EYS: variants seen among roughly 807,000 people sequenced by gnomAD.
EYS encodes the protein EGF-like photoreceptor maintenance factor.
EYS carries 250 observed loss-of-function variants against 282.1 expected under a neutral mutation model. The observed-to-expected ratio is 0.89, with a 90% confidence interval of 0.80 to 0.98. The LOEUF (loss-of-function observed/expected upper bound fraction) is 0.98. Ranked by LOEUF, EYS falls within the 50% of genes least tolerant of loss-of-function variation. EYS has a pLI of 0.00. For synonymous variants in EYS, 1,355 were observed against 1,282.9 expected, an observed-to-expected ratio of 1.06 and a Z score of -1.20; for missense variants, 4,016 against 3,709.0, an observed-to-expected ratio of 1.08 and a Z score of -2.15.
At chr6:65,425,378 T>C (rs1455156992) in intron 5 of EYS, among the ~76,000 whole-genome samples, 1 of 152,090 alleles carries the variant, frequency 6.6e-6, no homozygotes, top group African/African-American at 2.4e-5. Flanking sequence ...TATACACTTG[T>C]TTTCTTTATG....
intron 33 of EYS, among the ~76,000 whole-genome samples, chr6:64,009,084 G>A (rs189162590): frequency 1.1e-4 from 17 of 152,206 alleles, no homozygotes; most frequent in African/African-American, 4.1e-4. Flanking sequence ...TTTCTCTCCT[G>A]CTCTTTCAGG....
rs115474667 is a variant in EYS, at chr6:65,218,247, T to A, written c.2023+77616A>T. On this transcript the variant is annotated intron_variant, in intron 12 of 42. Transcript: ENST00000503581. Reference sequence around the variant, plus strand: ...GAAAGTGTTTTATTTCTGACTTTTGTATTTAATTCATCTCTTAAACATACC... The same window carrying A: ...GAAAGTGTTTTATTTCTGACTTTTGAATTTAATTCATCTCTTAAACATACC... Among the ~76,000 whole-genome samples the A allele has an allele frequency of 6.4e-3, 976 of 152,276 alleles. 11 individuals carry two copies. Among genetic ancestry groups the A allele is most frequent in the African/African-American group, 0.022 (926 of 41,576 alleles).
intron 15 of EYS, among the ~76,000 whole-genome samples, chr6:64,928,721 T>A (rs1024979994): frequency 2.3e-4 from 35 of 149,094 alleles, no homozygotes; most frequent in East Asian, 7.7e-4. Context: ...CATTTTTTTT[T>A]AATTTTAGTT....
intron 22 of EYS, among the ~76,000 whole-genome samples, chr6:64,747,131 T>A (rs186862501): frequency 6.6e-6 from 1 of 152,314 alleles, no homozygotes; most frequent in East Asian, 1.9e-4. Flanking sequence ...GAGTGTAAAC[T>A]TATAACTGGA....
intron 31 of EYS, among the ~76,000 whole-genome samples, chr6:64,176,778 T>C (rs1431908471): frequency 1.3e-5 from 2 of 152,130 alleles, no homozygotes; most frequent in Admixed American, 1.3e-4. Flanking sequence ...TGTTCAGTTT[T>C]TGAAGTGCTT....
intron 5 of EYS, among the ~76,000 whole-genome samples, chr6:65,417,048 T>C (rs1475524395): frequency 2.6e-5 from 4 of 151,988 alleles, no homozygotes; most frequent in Admixed American, 6.6e-5. Context: ...TATTCATCCA[T>C]GGTAAAAGTA....
chr6:63,749,632 C>T (rs1008761616), intron 41 of EYS, among the ~76,000 whole-genome samples: 1 of 152,156 alleles, frequency 6.6e-6, no homozygotes, highest in Admixed American at 6.5e-5. Context: ...ATCACTTCTC[C>T]AAGCAGGTTT....
chr6:65,673,067 T>G (rs557772319), intron 1 of EYS, among the ~76,000 whole-genome samples: 1 of 152,276 alleles, frequency 6.6e-6, no homozygotes, highest in African/African-American at 2.4e-5. Flanking sequence ...TCTTTTGTGA[T>G]TCTTCAGTTG....
At chr6:65,626,530 C>G (rs546739153) in intron 2 of EYS, among the ~76,000 whole-genome samples, 2 of 152,204 alleles carry the variant, frequency 1.3e-5, no homozygotes, top group African/African-American at 4.8e-5. Context: ...ATAAACTAAA[C>G]CTTAATCCAC....
At chr6:65,449,692 A>G (rs183881371) in intron 5 of EYS, among the ~76,000 whole-genome samples, 1 of 152,220 alleles carries the variant, frequency 6.6e-6, no homozygotes, top group Admixed American at 6.6e-5. Flanking sequence ...GGCAAGAAAA[A>G]TAAGCCTTAC....
chr6:64,285,752 A>C (rs1442458162), intron 30 of EYS, among the ~76,000 whole-genome samples: 19 of 152,206 alleles, frequency 1.2e-4, no homozygotes. Flanking sequence ...AGCCCATTAC[A>C]TGGTGGTGAC....
intron 14 of EYS, 108 bp downstream of exon 14, chr6:64,997,474 A>C: frequency 9.9e-7 from 1 of 1,006,520 alleles, no homozygotes; most frequent in South Asian, 2.1e-5. Flanking sequence ...AAGCATATGT[A>C]ATATATATAC....
At chr6:64,484,922 G>A (rs1776538351) in intron 26 of EYS, among the ~76,000 whole-genome samples, 1 of 151,600 alleles carries the variant, frequency 6.6e-6, no homozygotes, top group Non-Finnish European at 1.5e-5. Context: ...CCAAGGCCTG[G>A]CCTGAGTTAA....
chr6:65,175,980 G>A (rs1205786855), intron 12 of EYS, among the ~76,000 whole-genome samples: 1 of 151,338 alleles, frequency 6.6e-6, no homozygotes. Flanking sequence ...TTTCATATAT[G>A]CTTTGATGTT....
At chr6:64,241,925 C>T (rs1381519834) in intron 30 of EYS, among the ~76,000 whole-genome samples, 2 of 151,934 alleles carry the variant, frequency 1.3e-5, no homozygotes, top group East Asian at 1.9e-4. Context: ...GCCTTCATTT[C>T]GTTATTTATT....
intron 12 of EYS, among the ~76,000 whole-genome samples, chr6:65,239,559 T>C (rs1767007221): frequency 6.6e-6 from 1 of 152,102 alleles, no homozygotes; most frequent in Admixed American, 6.5e-5. Flanking sequence ...TTTTTTCACC[T>C]ACTATTAAGA....
chr6:64,322,441 T>A (rs1163397164), intron 29 of EYS, among the ~76,000 whole-genome samples: 1 of 151,988 alleles, frequency 6.6e-6, no homozygotes, highest in Admixed American at 6.6e-5. Flanking sequence ...TTAATATGAC[T>A]AGATATAATT....
chr6:64,555,741 G>T (rs1243251571), intron 26 of EYS, among the ~76,000 whole-genome samples: 1 of 151,876 alleles, frequency 6.6e-6, no homozygotes, highest in Non-Finnish European at 1.5e-5. Flanking sequence ...ATTGGGATAT[G>T]CTAGGAACAT....
chr6:65,593,100 A>G (rs1765290140), intron 2 of EYS, among the ~76,000 whole-genome samples: 1 of 152,002 alleles, frequency 6.6e-6, no homozygotes. Flanking sequence ...ACAGTCCAGT[A>G]AATCCTTTGT....
Sources: allele counts gnomAD v4.1 joint callset (sites outside exome capture counted in the v4.1 genomes callset), GRCh38; gene constraint gnomAD v4.1.1; transcripts MANE v1.5; gene names NCBI Gene and HGNC (gene_info 2026-07-23, HGNC 2026-07-21).